The following AGAP1 variants were observed in gnomAD, a reference collection of about 807,000 sequenced individuals.
AGAP1 encodes the protein ArfGAP with GTPase domain, ankyrin repeat and PH domain 1.
Under a neutral mutation model 105.3 loss-of-function variants are expected in AGAP1, and 29 were observed. The observed-to-expected ratio is 0.28, with a 90% CI of 0.21 to 0.38. The LOEUF is 0.38. Among genes scored for constraint, AGAP1 ranks in the 10% least tolerant of loss-of-function variants. The probability of loss-of-function intolerance (pLI) is 1.00; values close to 1 mark genes in which losing one functional copy is unlikely to be tolerated. For missense variants in AGAP1, 998 were observed against 1,165.1 expected (o/e 0.86, Z 2.09); for synonymous variants, 509 against 485.9 (o/e 1.05, Z -0.63).
intron 1 of AGAP1, among the ~76,000 whole-genome samples, chr2:235,522,656 G>A (rs1480439161): frequency 2.6e-5 from 4 of 152,144 alleles, no homozygotes; most frequent in East Asian, 1.9e-4. Flanking sequence ...CCGATGAAGA[G>A]GCTGGCCACA....
intron 3 of AGAP1, among the ~76,000 whole-genome samples, chr2:235,730,539 T>C (rs1430662238): frequency 6.7e-6 from 1 of 148,274 alleles, no homozygotes; most frequent in Non-Finnish European, 1.5e-5. Flanking sequence ...TGGAGTGCAG[T>C]GGTGCCATCA....
intron 1 of AGAP1, among the ~76,000 whole-genome samples, chr2:235,524,933 CTG>C (rs1942772677): frequency 6.6e-6 from 1 of 152,194 alleles, no homozygotes; most frequent in African/African-American, 2.4e-5. Flanking sequence ...TAAAATGTCT[CTG>C]TTGCAAAATA....
intron 12 of AGAP1, among the ~76,000 whole-genome samples, chr2:235,966,636 A>G (rs1030137315): frequency 7.2e-5 from 11 of 152,116 alleles, no homozygotes; most frequent in African/African-American, 2.4e-4. Flanking sequence ...GTGAGTGACC[A>G]CCCACAAGGA....
Position 236,124,367 on chromosome 2 carries a change from A to T in AGAP1, c.*245A>T, listed in dbSNP as rs922116509. The T allele has an allele frequency of 4.1e-5, 23 of 558,462 alleles. No individual in the cohort carries two copies. The African/African-American group carries it at 4.2e-4, about 10-fold the overall frequency. The allele number at this position is 558,462 out of a possible 1,614,324, so 34.6% of individuals were successfully genotyped here. A position where few individuals can be genotyped will look rare whatever the true frequency, so the allele number is the denominator to read the frequency against. ...TCATAAACTCCCCTAAACCACACAC[A>T]GGAGAGAGCGACGGGCCTCGGCCCT... is the stretch of plus-strand genomic sequence containing the variant. On this transcript the variant is annotated 3_prime_UTR_variant, in exon 18 of 18. Coordinates refer to ENST00000304032, the MANE Select transcript of AGAP1 (RefSeq NM_001037131.3). The surrounding 1 kb of genome is among the most constrained non-coding windows in gnomAD (Gnocchi z 5.1).
In AGAP1 at chr2:236,121,448, G is replaced by A. The variant is rs1283853469; in HGVS notation, c.2370+1001G>A. Among the ~76,000 whole-genome samples the A allele has an allele frequency of 1.3e-5, 2 of 152,060 alleles. No individual in the cohort carries two copies. Among genetic ancestry groups the A allele is most frequent in the Non-Finnish European group, 2.9e-5 (2 of 68,004 alleles). On this transcript the variant is annotated intron_variant, in intron 17 of 17. Coordinates refer to ENST00000304032, the MANE Select transcript of AGAP1 (RefSeq NM_001037131.3). This position sits in a 1 kb window ranked among gnomAD's most constrained non-coding sequence, Gnocchi z 4.9. ...CCCAGGAAGCTGGGATTACAGGTGC[G>A]CACCACCACGCCCAGCTAATTTTTG...
At chr2:235,699,549 T>C (rs1480263827) in intron 1 of AGAP1, among the ~76,000 whole-genome samples, 1 of 152,190 alleles carries the variant, frequency 6.6e-6, no homozygotes, top group Non-Finnish European at 1.5e-5. Context: ...GAGCATTTTG[T>C]GGCTGAAATT....
intron 6 of AGAP1, 106 bp from the exon 7 acceptor site, chr2:235,797,653 G>A (rs1957303920): frequency 7.0e-6 from 10 of 1,433,202 alleles, no homozygotes; most frequent in South Asian, 2.5e-5. Flanking sequence ...CTATTACTGC[G>A]AAAGAAGGAA....
chr2:235,636,011 G>T (rs568328680), intron 1 of AGAP1, among the ~76,000 whole-genome samples: 9 of 152,138 alleles, frequency 5.9e-5, no homozygotes, highest in Non-Finnish European at 1.3e-4. Flanking sequence ...TACTTGGGAG[G>T]CTGAGGCAGG....
chr2:235,816,145 A>C (rs1431795536), intron 9 of AGAP1, among the ~76,000 whole-genome samples: 2 of 152,210 alleles, frequency 1.3e-5, no homozygotes, highest in Admixed American at 1.3e-4. Context: ...TCATTACTGA[A>C]AGAAAGATAC....
intron 1 of AGAP1, among the ~76,000 whole-genome samples, chr2:235,585,872 A>G (rs1214444229): frequency 6.6e-6 from 1 of 152,092 alleles, no homozygotes; most frequent in Non-Finnish European, 1.5e-5. Context: ...TTTCTGTTTA[A>G]TTGGAGCGCC....
intron 6 of AGAP1, among the ~76,000 whole-genome samples, chr2:235,780,490 A>C (rs1190034188): frequency 4.6e-5 from 7 of 152,186 alleles, no homozygotes; most frequent in Non-Finnish European, 1.0e-4. Context: ...TAGTGCAGCA[A>C]GCACACCACA....
intron 10 of AGAP1, among the ~76,000 whole-genome samples, chr2:235,890,786 A>G (rs1180576290): frequency 1.3e-5 from 2 of 152,140 alleles, no homozygotes; most frequent in Admixed American, 1.3e-4. Context: ...GTTTGATGAC[A>G]TTGTCTTCTA....
At chr2:235,761,212 T>G (rs970097312) in intron 6 of AGAP1, among the ~76,000 whole-genome samples, 1 of 152,210 alleles carries the variant, frequency 6.6e-6, no homozygotes, top group Non-Finnish European at 1.5e-5. Context: ...GAATATTGTG[T>G]TAATAGAGCC....
At position 236,034,081 on chromosome 2, in the gene AGAP1, A is replaced by G. The variant is rs560337832; in HGVS notation, c.1646-2480A>G. 8.1e-4 allele frequency among the ~76,000 whole-genome samples: 123 copies of G among 152,258 alleles called. 1 individual carries two copies. Among genetic ancestry groups the G allele is most frequent in the African/African-American group, 2.6e-3 (108 of 41,548 alleles). On this transcript the variant is annotated intron_variant, in intron 13 of 17. Transcript: ENST00000304032. Reference sequence around the variant, plus strand: ...TATGTAGTTTTTTCATACCTTACCTATCTGTTCACTAGGAGAGTTTTGCAT... The same window carrying G: ...TATGTAGTTTTTTCATACCTTACCTGTCTGTTCACTAGGAGAGTTTTGCAT...
At chr2:235,802,693 GAT>G (rs1957556623) in intron 8 of AGAP1, among the ~76,000 whole-genome samples, 1 of 151,842 alleles carries the variant, frequency 6.6e-6, no homozygotes, top group African/African-American at 2.4e-5. Flanking sequence ...TTGTGGTGGT[GAT>G]GATGGTTGTG....
chr2:236,086,304 A>G (rs1419451764), intron 16 of AGAP1, among the ~76,000 whole-genome samples: 8 of 152,234 alleles, frequency 5.3e-5, no homozygotes, highest in South Asian at 2.1e-4. Flanking sequence ...AAGGCGAGAC[A>G]TAACTCTCTG....
rs1367428290 is a variant in AGAP1, at chr2:235,689,680, A to G, written c.164-19499A>G. On this transcript the variant is annotated intron_variant, in intron 1 of 17. Transcript: ENST00000304032. The surrounding 1 kb of genome is among the most constrained non-coding windows in gnomAD (Gnocchi z 4.2). ...AAATCTGTGTAATGAAGTATCTGCA[A>G]CATTTCCACTCATTTGAGAGTTCCA... is the stretch of plus-strand genomic sequence containing the variant. Among the ~76,000 whole-genome samples, 1 of 152,254 alleles carries G rather than the reference A, an allele frequency of 6.6e-6. No homozygotes were observed. The highest frequency in any genetic ancestry group is 1.5e-5 in the Non-Finnish European group (1 of 68,050).
rs1322574496 is a variant in AGAP1, at chr2:236,012,223, T to A, written c.1646-24338T>A. Among the ~76,000 whole-genome samples, 1 of 152,020 alleles carries A rather than the reference T, an allele frequency of 6.6e-6. No individual in the cohort carries two copies. The highest frequency in any genetic ancestry group is 6.5e-5 in the Admixed American group (1 of 15,268). On this transcript the variant is annotated intron_variant, in intron 13 of 17. Coordinates refer to ENST00000304032, the MANE Select transcript of AGAP1 (RefSeq NM_001037131.3). This position sits in a 1 kb window ranked among gnomAD's most constrained non-coding sequence, Gnocchi z 4.9. ...CCTGTGGTAATGGGAGAGCAGAGTG[T>A]GAAAAATGGAAGGCATAAAGCGGGC...
intron 16 of AGAP1, among the ~76,000 whole-genome samples, chr2:236,093,485 A>G (rs1342750599): frequency 1.3e-5 from 2 of 152,164 alleles, no homozygotes; most frequent in Non-Finnish European, 2.9e-5. Flanking sequence ...ATGGAATCGG[A>G]CAAACACAAT....
Sources: allele counts gnomAD v4.1 joint callset (sites outside exome capture counted in the v4.1 genomes callset), GRCh38; gene constraint gnomAD v4.1.1; non-coding constraint Gnocchi (gnomAD v3.1); transcripts MANE v1.5; gene names NCBI Gene and HGNC (gene_info 2026-07-23, HGNC 2026-07-21).